The following RAPH1 variants were observed in gnomAD, a reference collection of about 807,000 sequenced individuals.
The protein encoded by RAPH1 is Ras association (RalGDS/AF-6) and pleckstrin homology domains 1.
Under a neutral mutation model 88.1 loss-of-function variants are expected in RAPH1, and 18 were observed. That is an observed-to-expected ratio of 0.20 (90% CI 0.14 to 0.30). The LOEUF is 0.30. RAPH1 is among the 10% of genes least tolerant of loss of function. The pLI, the probability that RAPH1 is intolerant of heterozygous loss-of-function variation, is 1.00. For missense variants in RAPH1, 1,448 were observed against 1,543.2 expected (o/e 0.94, Z 1.03); for synonymous variants, 587 against 559.0 (o/e 1.05, Z -0.71).
chr2:203,516,048 G>T (rs1342467029), intron 1 of RAPH1, among the ~76,000 whole-genome samples: 1 of 152,160 alleles, frequency 6.6e-6, no homozygotes, highest in Non-Finnish European at 1.5e-5. Context: ...GTAAGCTTAT[G>T]TATAGATAAT....
intron 2 of RAPH1, 92 bp from the exon 3 acceptor site, chr2:203,491,411 CA>C: frequency 5.2e-6 from 4 of 765,696 alleles, no homozygotes; most frequent in Non-Finnish European, 8.3e-6. Context: ...AGTGAACTGC[CA>C]CACTATAATT....
chr2:203,456,184 C>T (rs1260758194), intron 8 of RAPH1, among the ~76,000 whole-genome samples: 7 of 152,124 alleles, frequency 4.6e-5, no homozygotes, highest in African/African-American at 1.4e-4. Flanking sequence ...AACACTGTTT[C>T]GGAGAAAAAC....
intron 1 of RAPH1, among the ~76,000 whole-genome samples, chr2:203,529,003 ATATTTTTT>A (rs1343486548): frequency 9.0e-4 from 53 of 58,728 alleles, no homozygotes; most frequent in African/African-American, 4.3e-3. Flanking sequence ...ATATATATAT[ATATTTTTT>A]TTTTTTTTTT....
At chr2:203,469,550 T>A (rs2153645705) in intron 4 of RAPH1, among the ~76,000 whole-genome samples, 1 of 152,336 alleles carries the variant, frequency 6.6e-6, no homozygotes, top group African/African-American at 2.4e-5. Flanking sequence ...ATGTCTGATA[T>A]TCTTGAATTT....
chr2:203,505,031 C>A (rs180817751), intron 1 of RAPH1, among the ~76,000 whole-genome samples: 1 of 152,226 alleles, frequency 6.6e-6, no homozygotes, highest in African/African-American at 2.4e-5. Context: ...AACAAGTCTC[C>A]AGACAGTTTC....
rs1688221554 is a variant in RAPH1 at position 203,490,747 on chromosome 2, TC to T, written c.226+466del. ...TAGTAATATTAATAAAATACACAAA[TC>T]AAGAAATTTAAGGGCTGGACGCAGT... On this transcript the variant is annotated intron_variant, in intron 3 of 13. Coordinates refer to ENST00000319170, the MANE Select transcript of RAPH1 (RefSeq NM_213589.3). Among the ~76,000 whole-genome samples, 19 of 152,228 alleles carry T rather than the reference TC, an allele frequency of 1.2e-4. No individual in the cohort carries two copies. The South Asian group carries it at 3.7e-3, about 30-fold the overall frequency.
chr2:203,527,279 G>A (rs1186633127), intron 1 of RAPH1, among the ~76,000 whole-genome samples: 4 of 151,914 alleles, frequency 2.6e-5, no homozygotes, highest in Non-Finnish European at 2.9e-5. Context: ...AGACACTGGC[G>A]TCTTCACCGT....
chr2:203,457,672 C>A, intron 7 of RAPH1, 77 bp from the exon 8 acceptor site: 5 of 1,033,706 alleles, frequency 4.8e-6, no homozygotes, highest in Non-Finnish European at 7.6e-6. Context: ...TTCTGTTATT[C>A]CCTTGGCACA....
At chr2:203,476,882 C>T (rs1197791881) in intron 4 of RAPH1, among the ~76,000 whole-genome samples, 1 of 152,206 alleles carries the variant, frequency 6.6e-6, no homozygotes, top group South Asian at 2.1e-4. Flanking sequence ...CTACCACCTA[C>T]ATAATCATAC....
intron 4 of RAPH1, among the ~76,000 whole-genome samples, chr2:203,480,786 T>G (rs1051507777): frequency 2.6e-5 from 4 of 152,154 alleles, no homozygotes; most frequent in African/African-American, 9.7e-5. Flanking sequence ...TTTCCACAAA[T>G]AGTATGTTGA....
chr2:203,442,119 G>A lies in RAPH1; in HGVS notation c.1777-706C>T, dbSNP rs199631590. The A allele has an allele frequency of 7.5e-4, 1,165 of 1,554,150 alleles. 9 individuals carry two copies. The highest frequency in any genetic ancestry group is 2.5e-4 in the Admixed American group (13 of 51,830). ...AAAGAAATGCTTTGTAAACATTATA[G>A]CAAAAGACTGTAAAAATATCATACA... On this transcript the variant is annotated intron_variant, in intron 13 of 13. Transcript: ENST00000319170.
At position 203,440,153 on chromosome 2, in the gene RAPH1, G is replaced by C. The variant is rs1158872825; in HGVS notation, c.3037C>G (p.Pro1013Ala). Reference protein sequence around the residue: ...KFTPPAESGSPSKETLPPPAA... With the variant: ...KFTPPAESGSASKETLPPPAA... Reference sequence around the variant, plus strand: ...GGAGGTGGTAGGGTCTCCTTGCTGGGAGACCCTGATTCTGCTGGCGGTGTA... The same window carrying C: ...GGAGGTGGTAGGGTCTCCTTGCTGGCAGACCCTGATTCTGCTGGCGGTGTA... Residue 1013 changes from proline to alanine, a missense_variant, in exon 14 of 14, where the codon CCC (proline) becomes GCC (alanine). This residue lies in a region of RAPH1 where 935 missense variants were observed against 890.1 expected (regional missense o/e 1.05). Transcript: ENST00000319170. The C allele has an allele frequency of 1.9e-6, 3 of 1,613,584 alleles. No individual in the cohort carries two copies. Among genetic ancestry groups the C allele is most frequent in the Non-Finnish European group, 2.5e-6 (3 of 1,180,016 alleles).
intron 1 of RAPH1, among the ~76,000 whole-genome samples, chr2:203,532,780 C>G (rs531374068): frequency 6.6e-6 from 1 of 152,294 alleles, no homozygotes; most frequent in South Asian, 2.1e-4. Context: ...AAGCAGTGAT[C>G]TAATCCAAAC....
At chr2:203,468,492 C>T (rs2098530421) in intron 4 of RAPH1, among the ~76,000 whole-genome samples, 1 of 152,170 alleles carries the variant, frequency 6.6e-6, no homozygotes, top group South Asian at 2.1e-4. Context: ...CCGCTGATCT[C>T]ATCATCTAAA....
intron 4 of RAPH1, among the ~76,000 whole-genome samples, chr2:203,462,476 T>C (rs1413390998): frequency 6.6e-6 from 1 of 152,218 alleles, no homozygotes; most frequent in Admixed American, 6.5e-5. Context: ...CTCATTAGTA[T>C]ACCAATACAA....
At chr2:203,491,035 ACT>A (rs1471274367) in intron 3 of RAPH1, among the ~76,000 whole-genome samples, 177 bp downstream of exon 3, 15 of 149,744 alleles carry the variant, frequency 1.0e-4, no homozygotes, top group Non-Finnish European at 4.4e-5. Flanking sequence ...CAAAAGCGAA[ACT>A]CTGTCTCAAA....
chr2:203,450,865 G>A (rs2153637513), intron 10 of RAPH1, among the ~76,000 whole-genome samples: 1 of 151,342 alleles, frequency 6.6e-6, no homozygotes, highest in East Asian at 1.9e-4. Flanking sequence ...AAGTGTGCAT[G>A]TGTGCTTCCA....
In RAPH1 at chr2:203,437,457, C is replaced by G. The variant is rs1046736084; in HGVS notation, c.*1980G>C. The stretch of plus-strand genomic sequence containing the variant: ...AATCACAGTAGCGCTTGGCAATCTA[C>G]TCAAACATTACCCAAATTTCTGTGC... On this transcript the variant is annotated 3_prime_UTR_variant, in exon 14 of 14. Transcript: ENST00000319170. 2 of 152,346 alleles carry G rather than the reference C, an allele frequency of 1.3e-5. No homozygotes were observed. The highest frequency in any genetic ancestry group is 4.1e-4 in the South Asian group (2 of 4,830). 9.4% of individuals were successfully genotyped at this position (152,346 alleles called of 1,614,324 possible). A position where few individuals can be genotyped will look rare whatever the true frequency, so the allele number is the denominator to read the frequency against.
chr2:203,529,005 A>ATATATTTTT (rs1553633903), intron 1 of RAPH1, among the ~76,000 whole-genome samples: 4 of 41,154 alleles, frequency 9.7e-5, no homozygotes, highest in African/African-American at 4.8e-4. Flanking sequence ...ATATATATAT[A>ATATATTTTT]TTTTTTTTTT....
Sources: gnomAD v4.1 joint callset for allele counts (sites outside exome capture counted in the v4.1 genomes callset) on GRCh38, gnomAD v4.1.1 for gene constraint, gnomAD v4.1.1 regional missense constraint, MANE v1.5 for transcripts, NCBI Gene and HGNC (gene_info 2026-07-23, HGNC 2026-07-21) for gene names.